Variants in RIPOR3 observed in about 807,000 individuals in gnomAD.
RIPOR3 encodes family with sequence similarity 65 member C.
RIPOR3 carries 95 observed loss-of-function variants against 114.3 expected under a neutral mutation model. The ratio of observed to expected loss-of-function variants is 0.83; its 90% CI spans 0.70 to 0.99. RIPOR3 has a LOEUF of 0.99. Among genes scored for constraint, RIPOR3 ranks in the 50% least tolerant of loss-of-function variants. The pLI is 0.00. For synonymous variants in RIPOR3, 575 were observed against 543.8 expected (o/e 1.06, Z -0.80); for missense variants, 1,252 against 1,266.9 (o/e 0.99, Z 0.18).
rs1017075080 is a variant in RIPOR3 at position 50,626,077 on chromosome 20, C to T, written c.122+4661G>A. Among the ~76,000 whole-genome samples the T allele has an allele frequency of 2.6e-5, 4 of 152,220 alleles. No homozygotes were observed. The East Asian group carries it at 5.8e-4, about 22-fold the overall frequency. On this transcript the variant is annotated intron_variant, in intron 2 of 21. Transcript: ENST00000327979. ...TGCCAGGTTGTTTGCCTTGACAGTG[C>T]GGCTGCGCTTCGGCCTGCTCGGGTT...
At chr20:50,676,345 A>G (rs921100623) in intron 1 of RIPOR3, among the ~76,000 whole-genome samples, 6 of 152,130 alleles carry the variant, frequency 3.9e-5, no homozygotes, top group African/African-American at 1.4e-4. Flanking sequence ...ATTAAGCTGT[A>G]GCTGACTATA....
At chr20:50,657,332 G>A (rs1385670608) in intron 1 of RIPOR3, among the ~76,000 whole-genome samples, 1 of 152,240 alleles carries the variant, frequency 6.6e-6, no homozygotes, top group African/African-American at 2.4e-5. Context: ...TTCGAGACCA[G>A]CCTGGCCAAC....
At chr20:50,646,619 C>T (rs1282303508) in intron 1 of RIPOR3, among the ~76,000 whole-genome samples, 2 of 152,184 alleles carry the variant, frequency 1.3e-5, no homozygotes, top group Non-Finnish European at 2.9e-5. Context: ...CCTGCTCTAC[C>T]AGCCACTATA....
rs112022991 is a variant in RIPOR3 at position 50,620,009 on chromosome 20, G to A, written c.246C>T (p.Phe82=). The A allele has an allele frequency of 2.1e-4, 343 of 1,612,930 alleles. No individual in the cohort carries two copies. Among genetic ancestry groups the A allele is most frequent in the African/African-American group, 6.7e-4 (50 of 75,032 alleles). Residue 82 remains phenylalanine (F), a synonymous_variant, in exon 3 of 22, where the codon TTC becomes TTT. Transcript: ENST00000327979. Reference sequence around the variant, plus strand: ...ACTTGAGGCCTCTTTTCAATGCTTCGAAGATCTTCTTCACCTGCTGGGGCT... The same window carrying A: ...ACTTGAGGCCTCTTTTCAATGCTTCAAAGATCTTCTTCACCTGCTGGGGCT... ...DPKPQQVKKI[F]EALKRGLKEY... is the part of the protein sequence containing the mutation.
At chr20:50,590,657 A>G (rs1049174672) in intron 19 of RIPOR3, among the ~76,000 whole-genome samples, 1 of 152,142 alleles carries the variant, frequency 6.6e-6, no homozygotes, top group African/African-American at 2.4e-5. Flanking sequence ...CGGTGTGGAA[A>G]TGTCACACTG....
At chr20:50,658,936 A>G (rs1320537923) in intron 1 of RIPOR3, among the ~76,000 whole-genome samples, 1 of 152,070 alleles carries the variant, frequency 6.6e-6, no homozygotes, top group Non-Finnish European at 1.5e-5. Context: ...AAATACAATC[A>G]AGCTCTAGGT....
intron 11 of RIPOR3, 136 bp downstream of exon 11, chr20:50,608,253 G>A: frequency 1.6e-6 from 2 of 1,231,774 alleles, no homozygotes; most frequent in South Asian, 2.9e-5. Context: ...GGGTGGGAGT[G>A]AGGGACAGAT....
At chr20:50,600,595 T>TA (rs2083458936) in intron 13 of RIPOR3, among the ~76,000 whole-genome samples, 3 of 151,698 alleles carry the variant, frequency 2.0e-5, no homozygotes, top group South Asian at 4.2e-4. Context: ...CTCGTCTCTA[T>TA]AAAAAATAAA....
chr20:50,589,950 G>C, intron 19 of RIPOR3, 181 bp from the exon 20 acceptor site: 1 of 554,102 alleles, frequency 1.8e-6, no homozygotes, highest in Non-Finnish European at 3.3e-6. Context: ...GATCTATACT[G>C]TGGTGTTTAA....
chr20:50,681,990 A>G (rs1433845574), intron 1 of RIPOR3, among the ~76,000 whole-genome samples: 1 of 152,196 alleles, frequency 6.6e-6, no homozygotes, highest in Admixed American at 6.5e-5. Flanking sequence ...ATGTTTGACA[A>G]ATGCCATGTG....
At chr20:50,682,161 A>G (rs756873115) in intron 1 of RIPOR3, among the ~76,000 whole-genome samples, 2 of 152,250 alleles carry the variant, frequency 1.3e-5, no homozygotes, top group Non-Finnish European at 2.9e-5. Context: ...GTATGTAGCA[A>G]ACAAAACTGA....
intron 1 of RIPOR3, 74 bp from the exon 2 acceptor site, chr20:50,630,930 C>T: frequency 8.6e-7 from 1 of 1,164,974 alleles, no homozygotes; most frequent in South Asian, 1.3e-5. Flanking sequence ...AGCCACCTTC[C>T]ACCAACACCT....
At chr20:50,661,055 T>G (rs2085978572) in intron 1 of RIPOR3, among the ~76,000 whole-genome samples, 2 of 151,188 alleles carry the variant, frequency 1.3e-5, no homozygotes, top group Non-Finnish European at 2.9e-5. Flanking sequence ...CTGACCAACA[T>G]GGTGAAAACC....
intron 2 of RIPOR3, among the ~76,000 whole-genome samples, chr20:50,629,549 G>T (rs943503522): frequency 1.3e-5 from 2 of 152,182 alleles, no homozygotes; most frequent in Non-Finnish European, 2.9e-5. Context: ...ACACAGGACG[G>T]GGCAGCAGGC....
chr20:50,679,165 C>CAGAGAG (rs60291395), intron 1 of RIPOR3, among the ~76,000 whole-genome samples: 25 of 109,014 alleles, frequency 2.3e-4, no homozygotes, highest in Non-Finnish European at 4.0e-4. Flanking sequence ...CACACACACA[C>CAGAGAG]AGAGAGAGAG....
At chr20:50,595,650 C>A in intron 15 of RIPOR3, 146 bp from the exon 16 acceptor site, 6 of 1,227,868 alleles carry the variant, frequency 4.9e-6, no homozygotes, top group Non-Finnish European at 6.7e-6. Flanking sequence ...CCCCTTTCAC[C>A]AAGGTGGCTG....
In RIPOR3 at chr20:50,608,664, G is replaced by A. The variant is rs199631910; in HGVS notation, c.759C>T (p.Asp253=). 761 of 1,614,000 alleles carry A rather than the reference G, an allele frequency of 4.7e-4. No individual in the cohort carries two copies. The highest frequency in any genetic ancestry group is 5.8e-4 in the Non-Finnish European group (689 of 1,179,906). The change falls in exon 10 of 22, where the codon GAC becomes GAT. Residue 253 remains aspartate (D), a synonymous_variant. Transcript: ENST00000327979. ...TGGGGATGAAGGCCTTCTCCTCTTC[G>A]TCCCAGGTCTGGCTGTCATCTGACT... ...RIESDDSQTW[D]EEEKAFIPTL... is the part of the protein sequence containing the mutation.
At chr20:50,672,654 G>A (rs1308830945) in intron 1 of RIPOR3, among the ~76,000 whole-genome samples, 1 of 152,216 alleles carries the variant, frequency 6.6e-6, no homozygotes, top group Non-Finnish European at 1.5e-5. Flanking sequence ...GGACACAGGG[G>A]AAGGGTCAGG....
chr20:50,624,460 G>A (rs2123197675), intron 2 of RIPOR3, among the ~76,000 whole-genome samples: 1 of 152,320 alleles, frequency 6.6e-6, no homozygotes, highest in Non-Finnish European at 1.5e-5. Flanking sequence ...TACCCTCGCT[G>A]CTGCAGCCAC....
Sources: gnomAD v4.1 joint callset for allele counts (sites outside exome capture counted in the v4.1 genomes callset) on GRCh38, gnomAD v4.1.1 for gene constraint, MANE v1.5 for transcripts, NCBI Gene and HGNC (gene_info 2026-07-23, HGNC 2026-07-21) for gene names.